Variants in ZNF609 observed in about 807,000 individuals in gnomAD.
ZNF609 encodes the protein zinc finger protein 609.
Under a neutral mutation model 109.5 loss-of-function variants are expected in ZNF609, and 11 were observed. The ratio of observed to expected loss-of-function variants is 0.10; its 90% CI spans 0.06 to 0.17. The LOEUF (loss-of-function observed/expected upper bound fraction) is 0.17. Among genes scored for constraint, ZNF609 ranks in the 10% least tolerant of loss-of-function variants. The pLI is 1.00. For synonymous variants in ZNF609, 646 were observed against 662.0 expected, an observed-to-expected ratio of 0.98 and a Z score of 0.37; for missense variants, 1,559 against 1,772.4, an observed-to-expected ratio of 0.88 and a Z score of 2.16.
At chr15:64,622,332 T>C (rs1462756437) in intron 2 of ZNF609, among the ~76,000 whole-genome samples, 1 of 152,148 alleles carries the variant, frequency 6.6e-6, no homozygotes, top group Non-Finnish European at 1.5e-5. Flanking sequence ...CTTCCTCTCT[T>C]TATCCCCACC....
At chr15:64,561,253 A>G (rs1363032018) in intron 2 of ZNF609, among the ~76,000 whole-genome samples, 6 of 152,098 alleles carry the variant, frequency 3.9e-5, no homozygotes, top group Non-Finnish European at 7.4e-5. Context: ...TATTTTTATA[A>G]CAGCACTTAC....
chr15:64,638,250 C>G (rs1896206469), intron 3 of ZNF609, among the ~76,000 whole-genome samples: 1 of 151,368 alleles, frequency 6.6e-6, no homozygotes. Flanking sequence ...CTCTTCTGTT[C>G]CATTTATACA....
Position 64,675,912 on chromosome 15 carries a change from G to A in ZNF609, c.3058G>A (p.Gly1020Arg), listed in dbSNP as rs1896802955. 1 of 1,614,226 alleles carries A rather than the reference G, an allele frequency of 6.2e-7. No homozygotes were observed. Among genetic ancestry groups the A allele is most frequent in the Admixed American group, 1.7e-5 (1 of 60,024 alleles). ...CCAGAGCTTAGAGCAGCAGCAGCGG[G>A]GAGTGGACAAGAAGGCAGAGATGGG... ...KRQSLEQQQR[G>R]VDKKAEMGLK... The change falls in exon 5 of 10, where the codon GGA (glycine) becomes AGA (arginine). Residue 1020 changes from glycine (G) to arginine (R), a missense_variant. Gly to Arg is a moderately radical substitution (Grantham distance 125). This residue lies in a region of ZNF609 where 1,204 missense variants were observed against 1,314.1 expected (regional missense o/e 0.92). Coordinates refer to ENST00000326648, the MANE Select transcript of ZNF609 (RefSeq NM_015042.2).
Position 64,673,959 on chromosome 15 carries a change from C to T in ZNF609, c.1105C>T (p.Arg369Trp), listed in dbSNP as rs144934139. 10 of 1,613,816 alleles carry T rather than the reference C, an allele frequency of 6.2e-6. No individual in the cohort carries two copies. The highest frequency in any genetic ancestry group is 8.5e-6 in the Non-Finnish European group (10 of 1,179,914). Reference sequence around the variant, plus strand: ...CAGTGACCTGGAAATGCGCAATGGCCGGGGTAGAGGCAAACGCATGCGTCC... The same window carrying T: ...CAGTGACCTGGAAATGCGCAATGGCTGGGGTAGAGGCAAACGCATGCGTCC... ...PTSDLEMRNG[R>W]GRGKRMRPNS... Residue 369 changes from arginine to tryptophan, a missense_variant, in exon 5 of 10, where the codon CGG (arginine) becomes TGG (tryptophan). Arg to Trp is a moderately radical substitution (Grantham distance 101). Coordinates refer to ENST00000326648, the MANE Select transcript of ZNF609 (RefSeq NM_015042.2).
At chr15:64,595,248 C>A (rs1258426514) in intron 2 of ZNF609, among the ~76,000 whole-genome samples, 2 of 151,140 alleles carry the variant, frequency 1.3e-5, no homozygotes, top group Admixed American at 6.6e-5. Context: ...GAAATGCCAG[C>A]TACTTGGGAG....
chr15:64,476,013 G>A (rs1401164333), intron 1 of ZNF609, among the ~76,000 whole-genome samples: 3 of 152,190 alleles, frequency 2.0e-5, no homozygotes, highest in Non-Finnish European at 4.4e-5. Context: ...ACAAGCATTT[G>A]TTGCCTTTAC....
chr15:64,632,667 C>T (rs1037556460), intron 3 of ZNF609, among the ~76,000 whole-genome samples: 2 of 151,790 alleles, frequency 1.3e-5, no homozygotes, highest in African/African-American at 2.4e-5. Flanking sequence ...GATGTGGTTT[C>T]GCTATGTTGG....
chr15:64,603,256 A>C (rs540144267), intron 2 of ZNF609, among the ~76,000 whole-genome samples: 2 of 149,220 alleles, frequency 1.3e-5, no homozygotes, highest in South Asian at 4.2e-4. Flanking sequence ...GACTTGAGTC[A>C]GTCACTGAGT....
chr15:64,493,488 G>A (rs1397547944), intron 1 of ZNF609, among the ~76,000 whole-genome samples: 2 of 152,168 alleles, frequency 1.3e-5, no homozygotes, highest in African/African-American at 4.8e-5. Flanking sequence ...AGTGCTTTGG[G>A]TAAATACAGG....
At chr15:64,597,798 C>T (rs1399119943) in intron 2 of ZNF609, among the ~76,000 whole-genome samples, 3 of 152,172 alleles carry the variant, frequency 2.0e-5, no homozygotes, top group Non-Finnish European at 4.4e-5. Flanking sequence ...CCCCAGCTCA[C>T]AGGACCACCC....
intron 1 of ZNF609, among the ~76,000 whole-genome samples, chr15:64,478,459 C>G (rs760915454): frequency 2.0e-5 from 3 of 152,060 alleles, no homozygotes; most frequent in Non-Finnish European, 4.4e-5. Context: ...CAACCTCTGC[C>G]TCCTGGGTTC....
intron 2 of ZNF609, among the ~76,000 whole-genome samples, chr15:64,610,605 G>A (rs537126999): frequency 1.3e-5 from 2 of 152,222 alleles, no homozygotes; most frequent in African/African-American, 2.4e-5. Flanking sequence ...CAATGATTGC[G>A]CCACTGTAGT....
Position 64,524,678 on chromosome 15 carries a change from T to C in ZNF609, c.747+24512T>C, listed in dbSNP as rs534938109. ...TTTATGGTTGAATAATATTCCATTA[T>C]ATAAATATACCACATTTGTTTATCC... is the stretch of plus-strand genomic sequence containing the variant. On this transcript the variant is annotated intron_variant, in intron 2 of 9. Transcript: ENST00000326648. 2.6e-5 allele frequency among the ~76,000 whole-genome samples: 4 copies of C among 152,324 alleles called. No individual in the cohort carries two copies. The East Asian group carries it at 7.7e-4, about 29-fold the overall frequency.
intron 2 of ZNF609, among the ~76,000 whole-genome samples, chr15:64,577,876 C>T (rs1252044842): frequency 6.6e-6 from 1 of 151,356 alleles, no homozygotes; most frequent in African/African-American, 2.4e-5. Context: ...AGAAAGCAGG[C>T]TTAGTGCAGT....
intron 3 of ZNF609, among the ~76,000 whole-genome samples, chr15:64,645,012 C>CTTT (rs1567037985): frequency 1.4e-3 from 145 of 101,964 alleles, no homozygotes; most frequent in African/African-American, 6.2e-3. Flanking sequence ...TTTCTTTCTT[C>CTTT]CTTCCTTCCT....
At position 64,460,693 on chromosome 15, in the gene ZNF609, A is replaced by AGAGCCG. The variant is rs1393093905; in HGVS notation, c.-253_-248dup. The AGAGCCG allele has an allele frequency of 2.6e-3, 290 of 110,546 alleles. 3 individuals carry two copies. The highest frequency in any genetic ancestry group is 6.5e-3 in the African/African-American group (174 of 26,954). 6.8% of individuals were successfully genotyped at this position (110,546 alleles called of 1,614,324 possible). A position where few individuals can be genotyped will look rare whatever the true frequency, so the allele number is the denominator to read the frequency against. On this transcript the variant is annotated 5_prime_UTR_variant, in exon 1 of 10. Transcript: ENST00000326648. ...AGGCGCGGGGAGGGGGCAGAGAGCC[A>AGAGCCG]GAGCCGGAGCCGGAGCCGGAGCCGG... is the stretch of plus-strand genomic sequence containing the variant.
At chr15:64,469,141 T>TA (rs1356749224) in intron 1 of ZNF609, among the ~76,000 whole-genome samples, 1 of 151,432 alleles carries the variant, frequency 6.6e-6, no homozygotes, top group Non-Finnish European at 1.5e-5. Context: ...CACATGCCTG[T>TA]AATCCCAGCT....
chr15:64,517,736 C>T (rs2140362179), intron 2 of ZNF609, among the ~76,000 whole-genome samples: 1 of 151,704 alleles, frequency 6.6e-6, no homozygotes, highest in Non-Finnish European at 1.5e-5. Context: ...GTGGTCTCTG[C>T]TCTGTGGAGT....
chr15:64,611,161 A>T (rs942125393), intron 2 of ZNF609, among the ~76,000 whole-genome samples: 1 of 152,164 alleles, frequency 6.6e-6, no homozygotes, highest in Admixed American at 6.5e-5. Flanking sequence ...CTTTATTCTT[A>T]GGAAGCAAAT....
Sources: gnomAD v4.1 joint callset for allele counts (sites outside exome capture counted in the v4.1 genomes callset) on GRCh38, gnomAD v4.1.1 for gene constraint, gnomAD v4.1.1 regional missense constraint, MANE v1.5 for transcripts, NCBI Gene and HGNC (gene_info 2026-07-23, HGNC 2026-07-21) for gene names.